ADGRL3: variants seen among roughly 807,000 people sequenced by gnomAD.
The protein encoded by ADGRL3 is calcium-independent alpha-latrotoxin receptor 3.
ADGRL3 carries 62 observed loss-of-function variants against 153.5 expected under a neutral mutation model. The observed-to-expected ratio is 0.40, with a 90% CI of 0.33 to 0.50. ADGRL3 has a LOEUF of 0.50. ADGRL3 is among the 20% of genes least tolerant of loss of function. The pLI, the probability that ADGRL3 is intolerant of heterozygous loss-of-function variation, is 0.47. For missense variants in ADGRL3, 1,641 were observed against 1,859.4 expected, an observed-to-expected ratio of 0.88 and a Z score of 2.16; for synonymous variants, 710 against 672.5, an observed-to-expected ratio of 1.06 and a Z score of -0.86.
intron 25 of ADGRL3, among the ~76,000 whole-genome samples, chr4:62,050,248 T>C (rs1733382858): frequency 6.6e-6 from 1 of 152,158 alleles, no homozygotes; most frequent in Non-Finnish European, 1.5e-5. Context: ...TTCCCACTTT[T>C]GATTTATAAC....
intron 1 of ADGRL3, among the ~76,000 whole-genome samples, chr4:61,259,089 A>G (rs66717947): frequency 0.16 from 24,125 of 152,136 alleles, 2,188 homozygotes; most frequent in East Asian, 0.27. Flanking sequence ...CAATAAAATC[A>G]TTCACTAGCA....
intron 19 of ADGRL3, among the ~76,000 whole-genome samples, chr4:61,995,928 T>C (rs2151033487): frequency 6.6e-6 from 1 of 152,270 alleles, no homozygotes; most frequent in Non-Finnish European, 1.5e-5. Flanking sequence ...ACAGGTTATG[T>C]AGCACCATAA....
intron 1 of ADGRL3, among the ~76,000 whole-genome samples, chr4:61,268,629 C>T (rs1273760452): frequency 6.6e-6 from 1 of 151,280 alleles, no homozygotes; most frequent in African/African-American, 2.4e-5. Flanking sequence ...TAACCAACTC[C>T]AAAGAGAAAG....
At position 61,234,464 on chromosome 4, in the gene ADGRL3, G is replaced by A. The variant is rs182760362; in HGVS notation, c.-240+32699G>A. On this transcript the variant is annotated intron_variant, in intron 1 of 26. Coordinates refer to ENST00000683033, the MANE Select transcript of ADGRL3 (RefSeq NM_001387552.1). ...GTAGATACAATTCAAGTTGAGATTT[G>A]GATGGGGACACAGCCAAACTATATC... 4.9e-4 allele frequency among the ~76,000 whole-genome samples: 75 copies of A among 152,204 alleles called. 1 individual carries two copies. The highest frequency in any genetic ancestry group is 3.4e-3 in the Middle Eastern group (1 of 294).
intron 5 of ADGRL3, among the ~76,000 whole-genome samples, chr4:61,667,612 C>T (rs965792389): frequency 1.1e-4 from 17 of 152,118 alleles, no homozygotes; most frequent in Non-Finnish European, 2.2e-4. Context: ...TTACGTAAGT[C>T]CAAATTGAAA....
chr4:61,501,997 GAAGTA>G (rs2098391609), intron 3 of ADGRL3, among the ~76,000 whole-genome samples: 1 of 152,142 alleles, frequency 6.6e-6, no homozygotes, highest in African/African-American at 2.4e-5. Context: ...AGACCTGGCA[GAAGTA>G]AAGAGGAGCA....
At chr4:61,803,003 A>G (rs532841262) in intron 8 of ADGRL3, among the ~76,000 whole-genome samples, 1 of 152,262 alleles carries the variant, frequency 6.6e-6, no homozygotes, top group African/African-American at 2.4e-5. Context: ...AGACTATAAT[A>G]TGAAGAATTT....
intron 8 of ADGRL3, among the ~76,000 whole-genome samples, chr4:61,762,795 A>G (rs533541424): frequency 2.6e-5 from 4 of 152,198 alleles, no homozygotes; most frequent in Non-Finnish European, 5.9e-5. Context: ...ATAAGAACAG[A>G]CCAATAATCC....
intron 9 of ADGRL3, among the ~76,000 whole-genome samples, chr4:61,889,874 A>G (rs915894780): frequency 6.6e-6 from 1 of 152,206 alleles, no homozygotes. Flanking sequence ...ATGATTGCTG[A>G]ACAAATCTTT....
intron 6 of ADGRL3, among the ~76,000 whole-genome samples, chr4:61,688,839 T>C (rs578065999): frequency 6.6e-6 from 1 of 152,352 alleles, no homozygotes; most frequent in Non-Finnish European, 1.5e-5. Flanking sequence ...CACACAGAGC[T>C]AATTACAAAG....
At chr4:61,915,455 A>G (rs2098741079) in intron 13 of ADGRL3, among the ~76,000 whole-genome samples, 1 of 151,948 alleles carries the variant, frequency 6.6e-6, no homozygotes, top group Non-Finnish European at 1.5e-5. Flanking sequence ...AATCTATGCT[A>G]TCCTTTTAAT....
At chr4:61,990,769 A>T (rs562183134) in intron 19 of ADGRL3, among the ~76,000 whole-genome samples, 2 of 151,876 alleles carry the variant, frequency 1.3e-5, no homozygotes, top group African/African-American at 4.8e-5. Flanking sequence ...AACTTATATC[A>T]TTATTCTCTG....
At chr4:61,307,359 AT>A (rs949465517) in intron 1 of ADGRL3, among the ~76,000 whole-genome samples, 1 of 152,132 alleles carries the variant, frequency 6.6e-6, no homozygotes, top group African/African-American at 2.4e-5. Context: ...TTGTGAGGTA[AT>A]TTTTTATCAC....
At position 61,703,707 on chromosome 4, in the gene ADGRL3, A is replaced by AG. The variant is rs1169311438; in HGVS notation, c.583+26778dup. 3.9e-5 allele frequency among the ~76,000 whole-genome samples: 6 copies of AG among 152,108 alleles called. 1 individual carries two copies. Among genetic ancestry groups the AG allele is most frequent in the Admixed American group, 3.9e-4 (6 of 15,268 alleles). ...GGACAGTCTTGCTAGGTAGTGACAG[A>AG]GGGGGGCAGATGAAAGAGAAAACTG... On this transcript the variant is annotated intron_variant, in intron 6 of 26. Coordinates refer to ENST00000683033, the MANE Select transcript of ADGRL3 (RefSeq NM_001387552.1).
At chr4:61,497,865 T>C (rs1560734582) in intron 3 of ADGRL3, among the ~76,000 whole-genome samples, 3 of 152,100 alleles carry the variant, frequency 2.0e-5, no homozygotes. Flanking sequence ...GAGTTTCCAG[T>C]TGCATTTCTT....
intron 25 of ADGRL3, among the ~76,000 whole-genome samples, 179 bp downstream of exon 25, chr4:62,044,728 C>T (rs1730188686): frequency 6.6e-6 from 1 of 151,912 alleles, no homozygotes; most frequent in South Asian, 2.1e-4. Flanking sequence ...TTAAAAAAAT[C>T]CTGAATTTTC....
At position 61,891,932 on chromosome 4, in the gene ADGRL3, T is replaced by A. The variant is rs190599941; in HGVS notation, c.1481-724T>A. 7.2e-3 allele frequency among the ~76,000 whole-genome samples: 1,094 copies of A among 152,308 alleles called. 10 individuals carry two copies. The highest frequency in any genetic ancestry group is 0.025 in the African/African-American group (1,031 of 41,578). The stretch of plus-strand genomic sequence containing the variant: ...TCAATTACCTAACAAAGAACCTAAC[T>A]ATTTTATTTGGAACTTGGAATACAT... On this transcript the variant is annotated intron_variant, in intron 9 of 26. Coordinates refer to ENST00000683033, the MANE Select transcript of ADGRL3 (RefSeq NM_001387552.1).
chr4:61,974,909 G>A (rs1459613750), intron 17 of ADGRL3, among the ~76,000 whole-genome samples: 1 of 152,094 alleles, frequency 6.6e-6, no homozygotes, highest in Non-Finnish European at 1.5e-5. Context: ...AGAGTCCCAA[G>A]GACTGTTTAG....
At chr4:61,804,895 C>A (rs1326281780) in intron 8 of ADGRL3, among the ~76,000 whole-genome samples, 2 of 151,842 alleles carry the variant, frequency 1.3e-5, no homozygotes, top group Non-Finnish European at 2.9e-5. Context: ...TCGTTGCAAT[C>A]CACCTATGAA....
Sources: allele counts gnomAD v4.1 joint callset (sites outside exome capture counted in the v4.1 genomes callset), GRCh38; gene constraint gnomAD v4.1.1; transcripts MANE v1.5; gene names NCBI Gene and HGNC (gene_info 2026-07-23, HGNC 2026-07-21).